GFI1B: variants seen among roughly 807,000 people sequenced by gnomAD.
GFI1B encodes zinc finger protein Gfi-1b.
In GFI1B, 20 loss-of-function variants were observed where a neutral mutation model predicts 35.3. The observed-to-expected ratio is 0.57, with a 90% CI of 0.40 to 0.82. The LOEUF (loss-of-function observed/expected upper bound fraction) is 0.82. Among genes scored for constraint, GFI1B ranks in the 40% least tolerant of loss-of-function variants. The probability of loss-of-function intolerance (pLI) is 0.00; values close to 1 mark genes in which losing one functional copy is unlikely to be tolerated. For synonymous variants in GFI1B, 178 were observed against 177.6 expected, an observed-to-expected ratio of 1.00 and a Z score of -0.02; for missense variants, 430 against 446.3, an observed-to-expected ratio of 0.96 and a Z score of 0.33.
chr9:132,959,438 T>C (rs1196120506), intron 1 of GFI1B, among the ~76,000 whole-genome samples: 4 of 152,200 alleles, frequency 2.6e-5, no homozygotes, highest in Non-Finnish European at 5.9e-5. Flanking sequence ...AATTACCCAG[T>C]GCCAGGATTT....
intron 1 of GFI1B, among the ~76,000 whole-genome samples, chr9:132,961,012 G>A (rs956020542): frequency 1.3e-5 from 2 of 152,050 alleles, no homozygotes; most frequent in Admixed American, 1.3e-4. Context: ...TTTTATTTTA[G>A]CTGCGCCTCC....
At chr9:132,947,809 C>CA (rs58406908) in intron 1 of GFI1B, among the ~76,000 whole-genome samples, 1,503 of 85,392 alleles carry the variant, frequency 0.018, 23 homozygotes, top group African/African-American at 0.034. Context: ...ACTTGGTCTC[C>CA]AAAAAAAAAA....
intron 1 of GFI1B, among the ~76,000 whole-genome samples, chr9:132,948,228 G>A (rs1201165985): frequency 6.6e-6 from 1 of 151,774 alleles, no homozygotes; most frequent in Non-Finnish European, 1.5e-5. Context: ...TCTTTCCTTT[G>A]GGGTCACTAA....
chr9:132,986,470 C>A (rs965532881), intron 1 of GFI1B, among the ~76,000 whole-genome samples, 189 bp from the exon 2 acceptor site: 8 of 152,172 alleles, frequency 5.3e-5, no homozygotes, highest in African/African-American at 1.9e-4. Flanking sequence ...CTCATCATAA[C>A]TTGATTACAT....
In GFI1B at chr9:132,953,546, T is replaced by C. The variant is rs565226253; in HGVS notation, c.-701+7877T>C. 7.2e-5 allele frequency: 11 copies of C among 152,372 alleles called. No homozygotes were observed. In the South Asian group the frequency reaches 1.9e-3, roughly 26 times the overall value. 9.4% of individuals were successfully genotyped at this position (152,372 alleles called of 1,614,324 possible). A position where few individuals can be genotyped will look rare whatever the true frequency, so the allele number is the denominator to read the frequency against. On this transcript the variant is annotated intron_variant, in intron 1 of 10. Transcript: ENST00000339463. ...GCGAGTACCTGTAGTCCCAGCTACT[T>C]GGGAGGCTGAGGCAGGAGGATTGCT...
chr9:132,972,678 CA>C (rs1429211580), intron 1 of GFI1B: 1 of 152,240 alleles, frequency 6.6e-6, no homozygotes, highest in African/African-American at 2.4e-5. Flanking sequence ...TCTTGTAATT[CA>C]AACAGCATGT....
At chr9:132,973,324 C>T (rs540964997) in intron 2 of GFI1B, among the ~76,000 whole-genome samples, 3 of 152,370 alleles carry the variant, frequency 2.0e-5, no homozygotes, top group Middle Eastern at 6.8e-3. Flanking sequence ...CTGCACCTGC[C>T]GGAGCTGTCC....
Position 132,989,349 on chromosome 9 carries a change from G to T in GFI1B, c.648+151G>T. ...CCTAGTACCCACCTCCCTGGGTCTG[G>T]GTCTCCAACACCTGCCCTTAACAAA... On this transcript the variant is annotated intron_variant, in intron 5 of 6. Coordinates refer to ENST00000372122, the MANE Select transcript of GFI1B (RefSeq NM_001377304.1). The surrounding 1 kb of genome is among the most constrained non-coding windows in gnomAD (Gnocchi z 6.2). The T allele has an allele frequency of 2.7e-6, 2 of 747,140 alleles. No individual in the cohort carries two copies. Among genetic ancestry groups the T allele is most frequent in the Non-Finnish European group, 4.6e-6 (2 of 430,736 alleles). 46.3% of individuals were successfully genotyped at this position (747,140 alleles called of 1,614,324 possible).
intron 1 of GFI1B, among the ~76,000 whole-genome samples, chr9:132,950,725 C>T (rs955043622): frequency 1.2e-5 from 1 of 80,736 alleles, no homozygotes; most frequent in Non-Finnish European, 2.6e-5. Flanking sequence ...ACACTATACA[C>T]TATACACTTT....
At chr9:132,963,468 C>T (rs1406801032) in intron 1 of GFI1B, among the ~76,000 whole-genome samples, 1 of 151,966 alleles carries the variant, frequency 6.6e-6, no homozygotes, top group Non-Finnish European at 1.5e-5. Context: ...GCGACAGAGA[C>T]AGATTCCGTC....
chr9:132,969,974 A>G (rs963298042), intron 1 of GFI1B, among the ~76,000 whole-genome samples: 1 of 152,090 alleles, frequency 6.6e-6, no homozygotes, highest in Non-Finnish European at 1.5e-5. Flanking sequence ...ATCGCGTGCA[A>G]ATCCTGGCTG....
chr9:132,985,372 C>T (rs1849006258), intron 1 of GFI1B, among the ~76,000 whole-genome samples: 1 of 152,162 alleles, frequency 6.6e-6, no homozygotes, highest in South Asian at 2.1e-4. Flanking sequence ...TCTCCCACTC[C>T]CTGACTGGTG....
chr9:132,993,208 T>A (rs1276299939), downstream of GFI1B, among the ~76,000 whole-genome samples: 2 of 152,142 alleles, frequency 1.3e-5, no homozygotes, highest in Non-Finnish European at 2.9e-5. Context: ...GCAGGAGAAC[T>A]GCTTGAACCT....
At chr9:132,965,619 C>T (rs1412590672) in intron 1 of GFI1B, among the ~76,000 whole-genome samples, 7 of 152,188 alleles carry the variant, frequency 4.6e-5, no homozygotes, top group African/African-American at 7.2e-5. Flanking sequence ...GACATAGACA[C>T]GGAGTGGGAG....
chr9:132,990,424 CATTT>C lies in GFI1B; in HGVS notation c.815-447_815-444del, dbSNP rs528200480. Among the ~76,000 whole-genome samples, 5 of 152,104 alleles carry C rather than the reference CATTT, an allele frequency of 3.3e-5. No individual in the cohort carries two copies. The South Asian group carries it at 6.3e-4, about 19-fold the overall frequency. ...TCATTCATTTGTTCACTCATTCATT[CATTT>C]GTTGATTCATTTGTTCACTCATTCA... is the stretch of plus-strand genomic sequence containing the variant. On this transcript the variant is annotated intron_variant, in intron 6 of 6. Coordinates refer to ENST00000372122, the MANE Select transcript of GFI1B (RefSeq NM_001377304.1).
upstream of GFI1B, among the ~76,000 whole-genome samples, chr9:132,974,383 T>C (rs1458786959): frequency 6.6e-6 from 1 of 151,752 alleles, no homozygotes; most frequent in Non-Finnish European, 1.5e-5. Flanking sequence ...AAGGATCACT[T>C]GAGGTTAGGA....
At chr9:132,980,670 A>G (rs1848792650) in intron 1 of GFI1B, among the ~76,000 whole-genome samples, 1 of 152,152 alleles carries the variant, frequency 6.6e-6, no homozygotes, top group African/African-American at 2.4e-5. Context: ...ATTACACAGT[A>G]ACTTCCATTC....
intron 1 of GFI1B, among the ~76,000 whole-genome samples, chr9:132,986,115 C>A (rs73554552): frequency 0.074 from 11,266 of 152,242 alleles, 534 homozygotes; most frequent in South Asian, 0.14. Context: ...TGGCTTAAAA[C>A]CAACAGAAAT....
rs761232473 is a variant in GFI1B at position 132,989,032 on chromosome 9, G to C, written c.511-29G>C. ...CCTGTCCCTGTCACCGCAGCCCCCA[G>C]TGGCCTCACATGCTGCCCCTGCTCC... On this transcript the variant is annotated intron_variant, in intron 4 of 6. Transcript: ENST00000372122. This position sits in a 1 kb window ranked among gnomAD's most constrained non-coding sequence, Gnocchi z 6.2. 1.1e-5 allele frequency: 17 copies of C among 1,612,082 alleles called. No homozygotes were observed. The African/African-American group carries it at 2.3e-4, about 22-fold the overall frequency.
Sources: gnomAD v4.1 joint callset for allele counts (sites outside exome capture counted in the v4.1 genomes callset) on GRCh38, gnomAD v4.1.1 for gene constraint, Gnocchi (gnomAD v3.1) non-coding constraint, MANE v1.5 for transcripts, NCBI Gene and HGNC (gene_info 2026-07-23, HGNC 2026-07-21) for gene names.